The following RHOBTB2 variants were observed in gnomAD, a reference collection of about 807,000 sequenced individuals.
RHOBTB2 encodes the protein rho-related BTB domain-containing protein 2.
In RHOBTB2, 39 loss-of-function variants were observed where a neutral mutation model predicts 66.5. The observed-to-expected ratio is 0.59, with a 90% CI of 0.45 to 0.77. RHOBTB2 has a LOEUF of 0.77. Among genes scored for constraint, RHOBTB2 ranks in the 30% least tolerant of loss-of-function variants. RHOBTB2 has a pLI of 0.00. For synonymous variants in RHOBTB2, 390 were observed against 395.0 expected, an observed-to-expected ratio of 0.99 and a Z score of 0.15; for missense variants, 755 against 999.1, an observed-to-expected ratio of 0.76 and a Z score of 3.29.
At chr8:22,978,998 G>T in the RHOBTB2 span, among the ~76,000 whole-genome samples, 2 of 151,844 alleles carry the variant, frequency 1.3e-5, no homozygotes, top group African/African-American at 4.8e-5. Context: ...ATCTTTATTA[G>T]AATCTTTTAT....
chr8:23,003,731 A>AGG (rs1563289703), intron 1 of RHOBTB2, among the ~76,000 whole-genome samples: 1 of 151,984 alleles, frequency 6.6e-6, no homozygotes, highest in African/African-American at 2.4e-5. Context: ...CAGACCCCGA[A>AGG]TAGAGAAAGG....
chr8:22,996,021 C>T (rs951816985), upstream of RHOBTB2: 75 of 804,582 alleles, frequency 9.3e-5, no homozygotes, highest in Non-Finnish European at 1.5e-4. Context: ...GGGAGAGCAA[C>T]GCTGGTGGGA....
chr8:22,978,570 G>A, the RHOBTB2 span, among the ~76,000 whole-genome samples: 1 of 147,198 alleles, frequency 6.8e-6, no homozygotes, highest in Non-Finnish European at 1.5e-5. Context: ...AGTATTTATT[G>A]TACTTTTTTT....
chr8:22,965,731 A>C, the RHOBTB2 span, among the ~76,000 whole-genome samples: 1 of 152,198 alleles, frequency 6.6e-6, no homozygotes, highest in African/African-American at 2.4e-5. Context: ...ATCTACATTA[A>C]AAAGGATGAA....
chr8:22,997,201 G>A (rs2128799623), upstream of RHOBTB2, among the ~76,000 whole-genome samples: 1 of 152,300 alleles, frequency 6.6e-6, no homozygotes, highest in African/African-American at 2.4e-5. Context: ...CAGTGACAAG[G>A]GGCTGCAGAG....
rs1810983551 is a variant in RHOBTB2, at chr8:23,007,119, T to C, written c.874T>C (p.Phe292Leu). 1 of 1,609,732 alleles carries C rather than the reference T, an allele frequency of 6.2e-7. No individual in the cohort carries two copies. Residue 292 changes from phenylalanine (F) to leucine (L), a missense_variant, in exon 5 of 10, where the codon TTC (phenylalanine) becomes CTC (leucine). Phe to Leu is a conservative substitution (Grantham distance 22, BLOSUM62 0). Around this residue, in one of 7 missense-constraint regions of RHOBTB2, gnomAD observed 247 missense variants for 238.9 expected, o/e 1.03. Coordinates refer to ENST00000251822, the MANE Select transcript of RHOBTB2 (RefSeq NM_015178.3). ...KIYLSTSSSK[F>L]YDLFLMDLSE... ...CTACCTCTCCACCTCTTCCTCCAAG[T>C]TCTATGACCTGTTCCTCATGGACCT...
intron 9 of RHOBTB2, among the ~76,000 whole-genome samples, chr8:23,016,019 C>A (rs571247501): frequency 6.6e-6 from 1 of 152,148 alleles, no homozygotes; most frequent in South Asian, 2.1e-4. Context: ...GACAGAATAC[C>A]GTAAGAAATA....
the RHOBTB2 span, among the ~76,000 whole-genome samples, chr8:22,978,796 A>C: frequency 6.6e-6 from 1 of 152,212 alleles, no homozygotes; most frequent in Admixed American, 6.5e-5. Context: ...AACATATAAC[A>C]GTATATGACA....
Position 23,004,676 on chromosome 8 carries a change from T to A in RHOBTB2, c.192+50T>A. 2 of 1,538,976 alleles carry A rather than the reference T, an allele frequency of 1.3e-6. No individual in the cohort carries two copies. Among genetic ancestry groups the A allele is most frequent in the Non-Finnish European group, 1.8e-6 (2 of 1,133,972 alleles). On this transcript the variant is annotated intron_variant, in intron 2 of 9. Transcript: ENST00000251822. This position sits in a 1 kb window ranked among gnomAD's most constrained non-coding sequence, Gnocchi z 6.4. ...GGGGGTCCACGCCATGAGTCTGGGCTTGGGGGCTTCCTGAGGCATAGCTTG... is the reference window on the plus strand; with the variant it reads ...GGGGGTCCACGCCATGAGTCTGGGCATGGGGGCTTCCTGAGGCATAGCTTG...
intron 9 of RHOBTB2, among the ~76,000 whole-genome samples, chr8:23,016,741 A>G (rs1811301614): frequency 6.6e-6 from 1 of 152,116 alleles, no homozygotes; most frequent in Non-Finnish European, 1.5e-5. Flanking sequence ...CACAGGTCCA[A>G]TAGCATCACT....
chr8:22,953,797 A>G, the RHOBTB2 span, among the ~76,000 whole-genome samples: 1 of 152,164 alleles, frequency 6.6e-6, no homozygotes, highest in Admixed American at 6.5e-5. Context: ...AGAGTTGATT[A>G]TGCAATCCTC....
chr8:22,991,304 G>C (rs984801919), intron 1 of RHOBTB2, among the ~76,000 whole-genome samples: 1 of 152,196 alleles, frequency 6.6e-6, no homozygotes, highest in African/African-American at 2.4e-5. Context: ...CTGGGGTCCT[G>C]GCCGTCCCAG....
chr8:22,994,585 T>A (rs975087060), upstream of RHOBTB2: 1 of 1,551,468 alleles, frequency 6.4e-7, no homozygotes, highest in South Asian at 1.2e-5. Flanking sequence ...CACAGAGCGA[T>A]GCAAGCCTGG....
At chr8:22,969,819 G>A in the RHOBTB2 span, among the ~76,000 whole-genome samples, 9 of 152,208 alleles carry the variant, frequency 5.9e-5, no homozygotes, top group East Asian at 1.5e-3. Context: ...TGGCAGGATC[G>A]GGGTCACTGC....
At position 23,015,529 on chromosome 8, in the gene RHOBTB2, C is replaced by T. The variant is rs551842531; in HGVS notation, c.1861-109C>T. 1.2e-3 allele frequency: 813 copies of T among 702,882 alleles called. 2 individuals are homozygous for T. Among genetic ancestry groups the T allele is most frequent in the Non-Finnish European group, 1.7e-3 (680 of 409,360 alleles). 43.5% of individuals were successfully genotyped at this position (702,882 alleles called of 1,614,324 possible). The stretch of plus-strand genomic sequence containing the variant: ...CGCAGGCTCTCTAGAACTGCAGGGC[C>T]TCTGCGTGCCCTGCACCAGAGCTTC... On this transcript the variant is annotated intron_variant, in intron 8 of 9. Coordinates refer to ENST00000251822, the MANE Select transcript of RHOBTB2 (RefSeq NM_015178.3).
the RHOBTB2 span, among the ~76,000 whole-genome samples, chr8:22,959,457 T>C: frequency 6.6e-6 from 1 of 152,162 alleles, no homozygotes; most frequent in African/African-American, 2.4e-5. Context: ...TTTTGCCATG[T>C]TGGTCAGGCT....
At chr8:22,992,857 G>A (rs1810457382) in intron 2 of RHOBTB2, among the ~76,000 whole-genome samples, 1 of 152,234 alleles carries the variant, frequency 6.6e-6, no homozygotes, top group Admixed American at 6.5e-5. Context: ...GGGAGGCAGG[G>A]CCAGGGTAGG....
At chr8:23,001,048 C>T (rs1430054084) in intron 1 of RHOBTB2, among the ~76,000 whole-genome samples, 1 of 152,122 alleles carries the variant, frequency 6.6e-6, no homozygotes, top group East Asian at 1.9e-4. Context: ...CTAATTTCAG[C>T]ACACCTTGGG....
upstream of RHOBTB2, among the ~76,000 whole-genome samples, chr8:22,996,937 T>C (rs1206701512): frequency 3.9e-5 from 6 of 152,040 alleles, no homozygotes; most frequent in Non-Finnish European, 7.4e-5. Flanking sequence ...CTGGAGGCTG[T>C]CTTGAATAGC....
Sources: allele counts gnomAD v4.1 joint callset (sites outside exome capture counted in the v4.1 genomes callset), GRCh38; gene constraint gnomAD v4.1.1; regional missense constraint gnomAD v4.1.1; non-coding constraint Gnocchi (gnomAD v3.1); transcripts MANE v1.5; gene names NCBI Gene and HGNC (gene_info 2026-07-23, HGNC 2026-07-21).